The following CSMD3 variants were observed in gnomAD, a reference collection of about 807,000 sequenced individuals.
The protein encoded by CSMD3 is CUB and Sushi multiple domains 3.
CSMD3 carries 177 observed loss-of-function variants against 435.2 expected under a neutral mutation model. The observed-to-expected ratio is 0.41, with a 90% CI of 0.36 to 0.46. CSMD3 has a LOEUF of 0.46. CSMD3 is among the 20% of genes least tolerant of loss of function. CSMD3 has a pLI of 0.34. For synonymous variants in CSMD3, 1,656 were observed against 1,520.5 expected, an observed-to-expected ratio of 1.09 and a Z score of -2.07; for missense variants, 4,265 against 4,504.6, an observed-to-expected ratio of 0.95 and a Z score of 1.52.
chr8:112,359,177 C>G (rs536142435), intron 38 of CSMD3, among the ~76,000 whole-genome samples: 11 of 152,178 alleles, frequency 7.2e-5, no homozygotes, highest in African/African-American at 2.4e-4. Context: ...AAAGAGGTCA[C>G]CACTCCAGCA....
At chr8:112,288,353 CT>C (rs2130646550) in intron 57 of CSMD3, among the ~76,000 whole-genome samples, 1 of 151,996 alleles carries the variant, frequency 6.6e-6, no homozygotes, top group East Asian at 1.9e-4. Flanking sequence ...CAAGATAAGA[CT>C]TTAATTCTCA....
chr8:112,341,060 T>C (rs1825056909), intron 42 of CSMD3, among the ~76,000 whole-genome samples: 1 of 152,152 alleles, frequency 6.6e-6, no homozygotes, highest in Non-Finnish European at 1.5e-5. Context: ...AGGAATGTCA[T>C]ATTAGTCTTA....
At chr8:113,066,699 T>C (rs1235138142) in intron 5 of CSMD3, among the ~76,000 whole-genome samples, 2 of 152,096 alleles carry the variant, frequency 1.3e-5, no homozygotes, top group African/African-American at 2.4e-5. Flanking sequence ...AATCAGAATC[T>C]GGTCTCATTT....
chr8:112,525,595 C>T (rs2131037784), intron 27 of CSMD3, among the ~76,000 whole-genome samples: 1 of 148,400 alleles, frequency 6.7e-6, no homozygotes, highest in East Asian at 2.0e-4. Context: ...GTGGCGGGCA[C>T]CTGTAGTCCC....
chr8:113,210,428 A>G (rs2092820539), intron 3 of CSMD3, among the ~76,000 whole-genome samples: 1 of 151,930 alleles, frequency 6.6e-6, no homozygotes, highest in Non-Finnish European at 1.5e-5. Context: ...TCTATTTCTC[A>G]TTCCTCAAAC....
chr8:112,932,000 A>T (rs1294783806), intron 9 of CSMD3, among the ~76,000 whole-genome samples: 1 of 152,180 alleles, frequency 6.6e-6, no homozygotes, highest in East Asian at 1.9e-4. Context: ...GTTGGTGGAG[A>T]TGTAAATTAG....
At chr8:113,215,791 T>C (rs888218018) in intron 3 of CSMD3, among the ~76,000 whole-genome samples, 1 of 151,860 alleles carries the variant, frequency 6.6e-6, no homozygotes, top group Non-Finnish European at 1.5e-5. Flanking sequence ...TATGTAACCT[T>C]TCAAATGTTC....
intron 10 of CSMD3, among the ~76,000 whole-genome samples, chr8:112,901,115 A>G (rs1302992288): frequency 6.6e-6 from 1 of 151,276 alleles, no homozygotes; most frequent in Non-Finnish European, 1.5e-5. Flanking sequence ...AATATATTTC[A>G]TAAAGAAAAA....
rs991960071 is a variant in CSMD3, at chr8:113,081,253, C to A, written c.917+17503G>T. Among the ~76,000 whole-genome samples the A allele has an allele frequency of 2.6e-5, 4 of 152,148 alleles. No individual in the cohort carries two copies. The East Asian group carries it at 5.8e-4, about 22-fold the overall frequency. On this transcript the variant is annotated intron_variant, in intron 5 of 70. Coordinates refer to ENST00000297405, the MANE Select transcript of CSMD3 (RefSeq NM_198123.2). ...TACCATAATCTCAAAATCAAGGTTT[C>A]TACAGATCCATGTTCACTGTGAAGC...
intron 19 of CSMD3, among the ~76,000 whole-genome samples, chr8:112,648,048 G>C (rs2075029518): frequency 6.6e-6 from 1 of 152,160 alleles, no homozygotes; most frequent in Non-Finnish European, 1.5e-5. Flanking sequence ...CATCACAAAA[G>C]CTGATGTATG....
chr8:112,478,333 G>C (rs1248685812), intron 31 of CSMD3, among the ~76,000 whole-genome samples: 9 of 152,246 alleles, frequency 5.9e-5, no homozygotes, highest in Middle Eastern at 3.4e-3. Flanking sequence ...TCAGAAGATA[G>C]AAAGATAAGG....
In CSMD3 at chr8:112,666,306, A is replaced by T. The variant is rs142332900; in HGVS notation, c.2787T>A (p.Pro929=). 1 of 1,612,232 alleles carries T rather than the reference A, an allele frequency of 6.2e-7. No homozygotes were observed. Among genetic ancestry groups the T allele is most frequent in the Non-Finnish European group, 8.5e-7 (1 of 1,178,766 alleles). The change falls in exon 17 of 71, where the codon CCT becomes CCA. Residue 929 remains proline, a synonymous_variant. Coordinates refer to ENST00000297405, the MANE Select transcript of CSMD3 (RefSeq NM_198123.2). ...CAAATGTAATTTTGATAGAGTGTCC[A>T]GGTTCAGCTTCAATCACCCACTCAC... is the stretch of plus-strand genomic sequence containing the variant. ...LNCEWVIEAE[P]GHSIKITFER... is the part of the protein sequence containing the mutation.
chr8:112,478,656 C>T (rs184258458), intron 31 of CSMD3, among the ~76,000 whole-genome samples: 101 of 152,192 alleles, frequency 6.6e-4, no homozygotes, highest in African/African-American at 2.3e-3. Flanking sequence ...CTACTGAGAG[C>T]GGCAGGAGGC....
At chr8:112,740,780 T>C (rs992033251) in intron 13 of CSMD3, among the ~76,000 whole-genome samples, 1 of 151,788 alleles carries the variant, frequency 6.6e-6, no homozygotes, top group Non-Finnish European at 1.5e-5. Flanking sequence ...TGGGGAGTAG[T>C]ATAAGTTCTT....
intron 57 of CSMD3, 31 bp from the exon 58 acceptor site, chr8:112,287,277 T>C: frequency 6.2e-7 from 1 of 1,608,438 alleles, no homozygotes; most frequent in South Asian, 1.1e-5. Flanking sequence ...AGTTAACCAA[T>C]TCCCATAAAC....
chr8:112,516,948 T>C lies in CSMD3; in HGVS notation c.4756+86A>G, dbSNP rs556806291. On this transcript the variant is annotated intron_variant, in intron 28 of 70. Transcript: ENST00000297405. Reference sequence around the variant, plus strand: ...TCTTAGACTCTCATATAGAATCTAGTCTAGAATATGGTTCTTAAGAACAAT... The same window carrying C: ...TCTTAGACTCTCATATAGAATCTAGCCTAGAATATGGTTCTTAAGAACAAT... The C allele has an allele frequency of 3.9e-6, 4 of 1,014,038 alleles. No homozygotes were observed. The African/African-American group carries it at 4.8e-5, about 12-fold the overall frequency. 62.8% of individuals were successfully genotyped at this position (1,014,038 alleles called of 1,614,324 possible).
At chr8:113,185,675 G>T (rs889746848) in intron 3 of CSMD3, among the ~76,000 whole-genome samples, 2 of 151,988 alleles carry the variant, frequency 1.3e-5, no homozygotes, top group African/African-American at 4.8e-5. Context: ...TATGTTTCTT[G>T]GTCTGAAGAA....
intron 31 of CSMD3, among the ~76,000 whole-genome samples, chr8:112,491,764 T>C (rs911255492): frequency 6.6e-6 from 1 of 152,224 alleles, no homozygotes. Flanking sequence ...ATTATAAAAA[T>C]GCTGGTCACA....
chr8:113,022,490 A>C (rs974069318), intron 5 of CSMD3, among the ~76,000 whole-genome samples: 2 of 151,914 alleles, frequency 1.3e-5, no homozygotes, highest in Non-Finnish European at 1.5e-5. Context: ...TAAATAAATA[A>C]TATATATTTC....
Sources: gnomAD v4.1 joint callset for allele counts (sites outside exome capture counted in the v4.1 genomes callset) on GRCh38, gnomAD v4.1.1 for gene constraint, MANE v1.5 for transcripts, NCBI Gene and HGNC (gene_info 2026-07-23, HGNC 2026-07-21) for gene names.